NDUFAF2: variants seen among roughly 807,000 people sequenced by gnomAD.
The protein encoded by NDUFAF2 is NADH dehydrogenase [ubiquinone] 1 alpha subcomplex assembly factor 2.
A neutral mutation model predicts 22.8 loss-of-function variants in NDUFAF2; 13 were observed. The ratio of observed to expected loss-of-function variants is 0.57; its 90% CI spans 0.37 to 0.91. The LOEUF is 0.91. NDUFAF2 is among the 40% of genes least tolerant of loss of function. The probability of loss-of-function intolerance (pLI) is 0.01; values close to 1 mark genes in which losing one functional copy is unlikely to be tolerated. For missense variants in NDUFAF2, 162 were observed against 195.2 expected (o/e 0.83, Z 1.01); for synonymous variants, 53 against 64.2 (o/e 0.83, Z 0.84).
chr5:61,006,212 T>A (rs1364829893), intron 1 of NDUFAF2, among the ~76,000 whole-genome samples: 3 of 152,194 alleles, frequency 2.0e-5, no homozygotes, highest in Non-Finnish European at 4.4e-5. Flanking sequence ...CTTTCCCCAT[T>A]TCTTGTTTTT....
intron 3 of NDUFAF2, among the ~76,000 whole-genome samples, chr5:61,111,003 G>T (rs1752833842): frequency 6.6e-6 from 1 of 151,904 alleles, no homozygotes; most frequent in Non-Finnish European, 1.5e-5. Context: ...ATAGGTTTTG[G>T]TATGTTGTGT....
At chr5:60,970,131 GTAGTA>G (rs1750808844) in intron 1 of NDUFAF2, among the ~76,000 whole-genome samples, 1 of 152,108 alleles carries the variant, frequency 6.6e-6, no homozygotes, top group African/African-American at 2.4e-5. Context: ...TTATATCTCT[GTAGTA>G]TAATTTGAAA....
intron 2 of NDUFAF2, among the ~76,000 whole-genome samples, chr5:61,087,561 G>A (rs1252521321): frequency 1.3e-5 from 2 of 152,160 alleles, no homozygotes; most frequent in African/African-American, 2.4e-5. Context: ...TGACTAGAGT[G>A]TAAAATGTTA....
chr5:61,032,014 A>G (rs1052023702), intron 1 of NDUFAF2, among the ~76,000 whole-genome samples: 1 of 152,220 alleles, frequency 6.6e-6, no homozygotes, highest in Admixed American at 6.5e-5. Flanking sequence ...TGTTGGCTGC[A>G]TAAATGTCTT....
At chr5:61,095,499 C>T (rs113947267) in intron 2 of NDUFAF2, among the ~76,000 whole-genome samples, 263 of 152,322 alleles carry the variant, frequency 1.7e-3, no homozygotes, top group Non-Finnish European at 3.2e-3. Flanking sequence ...CACTGCTTAG[C>T]CCCCTCGATT....
chr5:61,091,186 C>A (rs1752564638), intron 2 of NDUFAF2, among the ~76,000 whole-genome samples: 1 of 152,092 alleles, frequency 6.6e-6, no homozygotes, highest in South Asian at 2.1e-4. Context: ...GATTTATATT[C>A]CTCTAGGTTT....
chr5:60,978,670 C>T (rs1404186770), intron 1 of NDUFAF2, among the ~76,000 whole-genome samples: 1 of 152,146 alleles, frequency 6.6e-6, no homozygotes, highest in South Asian at 2.1e-4. Flanking sequence ...TTGGGGATTA[C>T]AATTCAACAT....
At chr5:61,144,674 C>G (rs945879762) in intron 3 of NDUFAF2, among the ~76,000 whole-genome samples, 2 of 152,258 alleles carry the variant, frequency 1.3e-5, no homozygotes, top group African/African-American at 4.8e-5. Flanking sequence ...CAGCCCTTCC[C>G]TTTCCCCAAT....
intron 1 of NDUFAF2, among the ~76,000 whole-genome samples, chr5:61,022,137 A>G (rs1229297026): frequency 6.6e-6 from 1 of 152,218 alleles, no homozygotes; most frequent in Non-Finnish European, 1.5e-5. Flanking sequence ...AAACATCTGA[A>G]TAACGTTTGT....
intron 1 of NDUFAF2, among the ~76,000 whole-genome samples, chr5:61,037,618 G>A (rs1751815920): frequency 6.6e-6 from 1 of 152,048 alleles, no homozygotes; most frequent in Non-Finnish European, 1.5e-5. Context: ...CATATTAAAA[G>A]CTCTGAAAAA....
intron 1 of NDUFAF2, among the ~76,000 whole-genome samples, chr5:60,979,597 G>A (rs749757616): frequency 1.3e-5 from 2 of 152,108 alleles, no homozygotes; most frequent in African/African-American, 2.4e-5. Flanking sequence ...AGGGAGAGAA[G>A]ACTGGGAAGA....
intron 1 of NDUFAF2, among the ~76,000 whole-genome samples, chr5:60,997,959 T>C (rs1371665636): frequency 4.6e-5 from 7 of 152,252 alleles, no homozygotes; most frequent in Admixed American, 4.6e-4. Context: ...AAAGCACTAA[T>C]GTGCCTCCCA....
chr5:61,147,437 C>CTT lies in NDUFAF2; in HGVS notation c.259-5251_259-5250dup, dbSNP rs1240336890. Among the ~76,000 whole-genome samples, 433 of 84,738 alleles carry CTT rather than the reference C, an allele frequency of 5.1e-3. 24 individuals carry two copies. The highest frequency in any genetic ancestry group is 0.019 in the Middle Eastern group (2 of 108). 55.6% of individuals were successfully genotyped at this position (84,738 alleles called of 152,430 possible). ...CTAATTTTTGTATTTTTTTTTCTTT[C>CTT]TTTTTTTTTTTTTTTTTGTAGCAAC... is the stretch of plus-strand genomic sequence containing the variant. On this transcript the variant is annotated intron_variant, in intron 3 of 3. Transcript: ENST00000296597.
At chr5:61,129,044 A>G (rs937385372) in intron 3 of NDUFAF2, among the ~76,000 whole-genome samples, 5 of 152,258 alleles carry the variant, frequency 3.3e-5, no homozygotes, top group Admixed American at 3.3e-4. Context: ...CACATGAAAA[A>G]GTGCTCATCA....
intron 3 of NDUFAF2, among the ~76,000 whole-genome samples, chr5:61,133,607 G>A (rs1579848049): frequency 6.6e-6 from 1 of 152,114 alleles, no homozygotes; most frequent in African/African-American, 2.4e-5. Context: ...TATTAATGAT[G>A]GAATATGATA....
chr5:61,150,022 C>G (rs750652154), intron 3 of NDUFAF2, among the ~76,000 whole-genome samples: 8 of 152,144 alleles, frequency 5.3e-5, no homozygotes, highest in Non-Finnish European at 1.0e-4. Flanking sequence ...CTCCACCTCC[C>G]AGGTTCAAGT....
chr5:60,960,551 G>C (rs887290242), intron 1 of NDUFAF2, among the ~76,000 whole-genome samples: 12 of 152,132 alleles, frequency 7.9e-5, no homozygotes, highest in South Asian at 4.1e-4. Context: ...TGAAGACTTT[G>C]TAAGTGTGAC....
chr5:61,073,108 T>C lies in NDUFAF2; in HGVS notation c.128-17T>C. 6.6e-7 allele frequency: 1 copy of C among 1,514,176 alleles called. No homozygotes were observed. The highest frequency in any genetic ancestry group is 9.2e-7 in the Non-Finnish European group (1 of 1,090,310). The allele number at this position is 1,514,176 out of a possible 1,614,324, so 93.8% of individuals were successfully genotyped here. A position where few individuals can be genotyped will look rare whatever the true frequency, so the allele number is the denominator to read the frequency against. ...ATAGGTTCATTTAAAAATGTATTAA[T>C]GACTTTTGTCTTATAGGACAAACTA... On this transcript the variant is annotated splice_polypyrimidine_tract_variant and intron_variant, in intron 1 of 3. Transcript: ENST00000296597.
intron 3 of NDUFAF2, among the ~76,000 whole-genome samples, chr5:61,151,183 T>C (rs1741232828): frequency 6.6e-6 from 1 of 152,226 alleles, no homozygotes; most frequent in Non-Finnish European, 1.5e-5. Context: ...TACTTTAATA[T>C]CAGAGCTTAC....
Sources: allele counts gnomAD v4.1 joint callset (sites outside exome capture counted in the v4.1 genomes callset), GRCh38; gene constraint gnomAD v4.1.1; transcripts MANE v1.5; gene names NCBI Gene and HGNC (gene_info 2026-07-23, HGNC 2026-07-21).